ENTPD1: variants seen among roughly 807,000 people sequenced by gnomAD.
ENTPD1 encodes ATP diphosphohydrolase.
ENTPD1 carries 33 observed loss-of-function variants against 57.0 expected under a neutral mutation model. That is an observed-to-expected ratio of 0.58 (90% CI 0.44 to 0.77). ENTPD1 has a LOEUF of 0.77. ENTPD1 is among the 30% of genes least tolerant of loss of function. The pLI, the probability that ENTPD1 is intolerant of heterozygous loss-of-function variation, is 0.00. For synonymous variants in ENTPD1, 202 were observed against 218.8 expected (o/e 0.92, Z 0.68); for missense variants, 501 against 603.4 (o/e 0.83, Z 1.78).
chr10:95,744,739 G>A (rs1350747224), intron 1 of ENTPD1, among the ~76,000 whole-genome samples: 1 of 152,042 alleles, frequency 6.6e-6, no homozygotes, highest in Non-Finnish European at 1.5e-5. Context: ...TTCATTCTGG[G>A]CTCCCTTGAC....
Position 95,819,630 on chromosome 10 carries a change from T to C in ENTPD1, c.17-3607T>C, listed in dbSNP as rs2098341914. On this transcript the variant is annotated intron_variant, in intron 1 of 9. Transcript: ENST00000371205. ...TTGGCTTGAAATCAGCCTGTGTTTT[T>C]TCAAAGCTTGGGTTTCCTTCAGTTT... is the stretch of plus-strand genomic sequence containing the variant. Among the ~76,000 whole-genome samples, 5 of 152,348 alleles carry C rather than the reference T, an allele frequency of 3.3e-5. No homozygotes were observed. In the South Asian group the frequency reaches 1.0e-3, roughly 32 times the overall value.
intron 1 of ENTPD1, among the ~76,000 whole-genome samples, chr10:95,723,637 G>A (rs1196744498): frequency 6.6e-6 from 1 of 152,164 alleles, no homozygotes; most frequent in African/African-American, 2.4e-5. Context: ...AGAAAGTCGT[G>A]GTTGGGACCC....
At chr10:95,806,937 G>C (rs1471000464) in intron 1 of ENTPD1, among the ~76,000 whole-genome samples, 1 of 152,192 alleles carries the variant, frequency 6.6e-6, no homozygotes, top group Non-Finnish European at 1.5e-5. Context: ...CTACTGGGAG[G>C]TGTCTCCCAG....
Position 95,823,360 on chromosome 10 carries a change from TTAAGG to T in ENTPD1, c.144+1_144+5del. 6.2e-7 allele frequency: 1 copy of T among 1,613,998 alleles called. No individual in the cohort carries two copies. Among genetic ancestry groups the T allele is most frequent in the Non-Finnish European group, 8.5e-7 (1 of 1,179,942 alleles). On this transcript the variant is annotated splice_donor_variant and coding_sequence_variant, in exon 2 of 10. Coordinates refer to ENST00000371205, the MANE Select transcript of ENTPD1 (RefSeq NM_001776.6). LOFTEE classifies it high-confidence loss of function. ...CAGAACAAAGCATTGCCAGAAAACG[TTAAGG>T]TAAGTCAAATATATCTGTGTGTTTG...
chr10:95,816,765 T>C (rs556520676), intron 1 of ENTPD1, among the ~76,000 whole-genome samples: 1 of 152,338 alleles, frequency 6.6e-6, no homozygotes, highest in East Asian at 1.9e-4. Flanking sequence ...TACATTTCTG[T>C]TTGAAGCCAG....
At chr10:95,829,111 A>G (rs1242321057) in intron 2 of ENTPD1, among the ~76,000 whole-genome samples, 1 of 152,202 alleles carries the variant, frequency 6.6e-6, no homozygotes, top group East Asian at 1.9e-4. Context: ...TCCAAAGACT[A>G]ATGTTCTTTC....
At chr10:95,811,465 C>G (rs1674269230) in intron 1 of ENTPD1, among the ~76,000 whole-genome samples, 1 of 152,146 alleles carries the variant, frequency 6.6e-6, no homozygotes, top group Non-Finnish European at 1.5e-5. Flanking sequence ...TAACTCAAAG[C>G]CTTTAGAACT....
Position 95,866,820 on chromosome 10 carries a change from A to G in ENTPD1, c.*437A>G. On this transcript the variant is annotated 3_prime_UTR_variant, in exon 10 of 10. Coordinates refer to ENST00000371205, the MANE Select transcript of ENTPD1 (RefSeq NM_001776.6). Reference sequence around the variant, plus strand: ...AACCCCTTTCTCTCTCCTGTTTGCCATCCATTAAGAAAGCCATATGATGCC... The same window carrying G: ...AACCCCTTTCTCTCTCCTGTTTGCCGTCCATTAAGAAAGCCATATGATGCC... 9.5e-7 allele frequency: 1 copy of G among 1,048,434 alleles called. No individual in the cohort carries two copies. The highest frequency in any genetic ancestry group is 1.2e-6 in the Non-Finnish European group (1 of 867,608). The allele number at this position is 1,048,434 out of a possible 1,614,324, so 64.9% of individuals were successfully genotyped here.
At chr10:95,706,309 T>G in the ENTPD1 span, among the ~76,000 whole-genome samples, 1 of 152,210 alleles carries the variant, frequency 6.6e-6, no homozygotes, top group African/African-American at 2.4e-5. Flanking sequence ...TTCAAGTTCT[T>G]GTCCTGCGTC....
At chr10:95,752,062 A>C (rs2098012861), upstream of ENTPD1, among the ~76,000 whole-genome samples, 1 of 152,208 alleles carries the variant, frequency 6.6e-6, no homozygotes, top group Admixed American at 6.5e-5. Flanking sequence ...CTGGAAAATA[A>C]GGAGAGATCA....
intron 1 of ENTPD1, among the ~76,000 whole-genome samples, chr10:95,719,466 G>A (rs2097975122): frequency 6.6e-6 from 1 of 152,222 alleles, no homozygotes; most frequent in Admixed American, 6.5e-5. Flanking sequence ...AGCGTGTTAT[G>A]CCAAGGAACC....
chr10:95,799,470 T>G (rs2098239747), intron 1 of ENTPD1, among the ~76,000 whole-genome samples: 1 of 152,202 alleles, frequency 6.6e-6, no homozygotes, highest in African/African-American at 2.4e-5. Flanking sequence ...GCAAAGGACA[T>G]GATCTCATTC....
upstream of ENTPD1, among the ~76,000 whole-genome samples, chr10:95,751,837 T>C (rs2098012476): frequency 6.6e-6 from 1 of 151,926 alleles, no homozygotes; most frequent in Non-Finnish European, 1.5e-5. Flanking sequence ...TGACACCCAG[T>C]AGGTGGATGG....
intron 4 of ENTPD1, among the ~76,000 whole-genome samples, chr10:95,844,224 T>A (rs574994333): frequency 3.9e-5 from 6 of 152,182 alleles, no homozygotes; most frequent in Non-Finnish European, 7.4e-5. Context: ...AAAAGTGGTA[T>A]TTTAAGGAAA....
Position 95,872,466 on chromosome 10 carries a change from G to A in ENTPD1, c.*6083G>A, listed in dbSNP as rs148204663. 6.9e-3 allele frequency: 6,779 copies of A among 985,178 alleles called. 35 individuals are homozygous for A. Among genetic ancestry groups the A allele is most frequent in the Middle Eastern group, 9.4e-3 (18 of 1,914 alleles). 61.0% of individuals were successfully genotyped at this position (985,178 alleles called of 1,614,324 possible). ...TGTCTTCTCAACTTGGAATACTCTT[G>A]CACCTTCAAAGCTCATTTCAAATGC... On this transcript the variant is annotated 3_prime_UTR_variant, in exon 10 of 10. Coordinates refer to ENST00000371205, the MANE Select transcript of ENTPD1 (RefSeq NM_001776.6).
At position 95,845,393 on chromosome 10, in the gene ENTPD1, A is replaced by G; in HGVS notation, c.610A>G (p.Asn204Asp). The G allele has an allele frequency of 6.2e-7, 1 of 1,614,218 alleles. No individual in the cohort carries two copies. The highest frequency in any genetic ancestry group is 8.5e-7 in the Non-Finnish European group (1 of 1,180,048). Residue 204 changes from asparagine to aspartate, a missense_variant, in exon 6 of 10, where the codon AAT (asparagine) becomes GAT (aspartate). Asn to Asp is a conservative substitution (Grantham distance 23, BLOSUM62 1). Coordinates refer to ENST00000371205, the MANE Select transcript of ENTPD1 (RefSeq NM_001776.6). The part of the protein sequence containing the change: ...RWFSIVPYET[N>D]NQETFGALDL... The stretch of plus-strand genomic sequence containing the variant: ...GTTCAGCATAGTCCCATATGAAACC[A>G]ATAATCAGGAAACCTTTGGAGCTTT...
chr10:95,850,438 T>C (rs2098442992), intron 7 of ENTPD1, among the ~76,000 whole-genome samples: 1 of 152,184 alleles, frequency 6.6e-6, no homozygotes. Context: ...GGGACAGTAA[T>C]ATCTACCTCA....
chr10:95,825,735 G>A (rs757691526), intron 2 of ENTPD1, among the ~76,000 whole-genome samples: 8 of 152,004 alleles, frequency 5.3e-5, no homozygotes, highest in Non-Finnish European at 1.2e-4. Context: ...CCGCCATCAC[G>A]CCCGGCTAAT....
intron 8 of ENTPD1, among the ~76,000 whole-genome samples, chr10:95,862,514 C>A (rs2140987781): frequency 6.6e-6 from 1 of 152,310 alleles, no homozygotes; most frequent in East Asian, 1.9e-4. Context: ...TATGCATATC[C>A]TATCATGCTG....
Sources: allele counts gnomAD v4.1 joint callset (sites outside exome capture counted in the v4.1 genomes callset), GRCh38; gene constraint gnomAD v4.1.1; transcripts MANE v1.5; gene names NCBI Gene and HGNC (gene_info 2026-07-23, HGNC 2026-07-21).